Variants in ATRNL1 observed in about 807,000 individuals in gnomAD.
The protein encoded by ATRNL1 is attractin-like protein 1.
A neutral mutation model predicts 182.7 loss-of-function variants in ATRNL1; 95 were observed. The ratio of observed to expected loss-of-function variants is 0.52; its 90% CI spans 0.44 to 0.62. ATRNL1 has a LOEUF of 0.62. ATRNL1 is among the 20% of genes least tolerant of loss of function. ATRNL1 has a pLI of 0.00. For synonymous variants in ATRNL1, 576 were observed against 568.3 expected, an observed-to-expected ratio of 1.01 and a Z score of -0.19; for missense variants, 1,471 against 1,679.5, an observed-to-expected ratio of 0.88 and a Z score of 2.17.
chr10:115,261,249 A>C (rs1164789039), intron 10 of ATRNL1, among the ~76,000 whole-genome samples: 1 of 152,132 alleles, frequency 6.6e-6, no homozygotes, highest in Non-Finnish European at 1.5e-5. Context: ...ATCATACTAA[A>C]AGTGTTAGAG....
chr10:115,393,299 T>C (rs892639128), intron 19 of ATRNL1, among the ~76,000 whole-genome samples: 2 of 152,192 alleles, frequency 1.3e-5, no homozygotes, highest in East Asian at 1.9e-4. Context: ...GTATACAGTA[T>C]CTATTTTCTT....
intron 8 of ATRNL1, among the ~76,000 whole-genome samples, chr10:115,181,380 T>G (rs1847740266): frequency 6.6e-6 from 1 of 151,764 alleles, no homozygotes; most frequent in Admixed American, 6.6e-5. Flanking sequence ...CCAATTTTAA[T>G]TTTTAGTTTG....
At chr10:115,519,807 A>G (rs1433062226) in intron 25 of ATRNL1, among the ~76,000 whole-genome samples, 2 of 152,194 alleles carry the variant, frequency 1.3e-5, no homozygotes, top group Non-Finnish European at 2.9e-5. Context: ...TTGGTTTTCA[A>G]CTGGCATTAC....
chr10:115,231,180 G>C (rs541509599), intron 9 of ATRNL1, among the ~76,000 whole-genome samples: 1 of 152,174 alleles, frequency 6.6e-6, no homozygotes, highest in Non-Finnish European at 1.5e-5. Context: ...GAAACAACCA[G>C]AAAAGGAGAC....
chr10:115,801,849 G>A (rs1391915568), intron 27 of ATRNL1, among the ~76,000 whole-genome samples: 2 of 151,990 alleles, frequency 1.3e-5, no homozygotes, highest in African/African-American at 4.8e-5. Flanking sequence ...TTCACAGTTA[G>A]CATCAGATGA....
Position 115,728,051 on chromosome 10 carries a change from A to C in ATRNL1, c.3903+696A>C, listed in dbSNP as rs2901060. 2.7e-5 allele frequency among the ~76,000 whole-genome samples: 4 copies of C among 146,942 alleles called. No homozygotes were observed. In the South Asian group the frequency reaches 8.6e-4, roughly 32 times the overall value. The stretch of plus-strand genomic sequence containing the variant: ...AGCACTTTGGGAGGCCAAGGTGGGC[A>C]GATCACGAGGTCAGGAGATCGCGAC... On this transcript the variant is annotated intron_variant, in intron 27 of 28. Coordinates refer to ENST00000355044, the MANE Select transcript of ATRNL1 (RefSeq NM_207303.4).
intron 5 of ATRNL1, among the ~76,000 whole-genome samples, chr10:115,152,255 G>C (rs578004109): frequency 2.0e-5 from 3 of 152,278 alleles, no homozygotes; most frequent in Middle Eastern, 3.4e-3. Context: ...TGTGAAGAAA[G>C]TCATTGGTAG....
At chr10:115,932,403 T>A (rs1376508356) in intron 28 of ATRNL1, among the ~76,000 whole-genome samples, 2 of 152,226 alleles carry the variant, frequency 1.3e-5, no homozygotes, top group African/African-American at 2.4e-5. Flanking sequence ...TAAATTTGGT[T>A]ACAGACATAC....
chr10:115,558,750 T>C (rs782411705), intron 26 of ATRNL1, among the ~76,000 whole-genome samples: 1 of 152,152 alleles, frequency 6.6e-6, no homozygotes, highest in Admixed American at 6.5e-5. Context: ...CAAATTGGCC[T>C]TAAGTTCCCT....
rs868926468 is a variant in ATRNL1 at position 115,583,544 on chromosome 10, T to G, written c.3795+34008T>G. ...ATGGGAGTTCACTCATGATTTGGCT[T>G]TCTGTTTGTCTGTTGTTGATGTATA... On this transcript the variant is annotated intron_variant, in intron 26 of 28. Transcript: ENST00000355044. 3.5e-5 allele frequency among the ~76,000 whole-genome samples: 4 copies of G among 114,462 alleles called. 1 individual carries two copies. The highest frequency in any genetic ancestry group is 5.8e-5 in the Non-Finnish European group (3 of 51,286). 75.1% of individuals were successfully genotyped at this position (114,462 alleles called of 152,430 possible).
At chr10:115,819,352 A>C (rs1201315920) in intron 27 of ATRNL1, among the ~76,000 whole-genome samples, 1 of 152,146 alleles carries the variant, frequency 6.6e-6, no homozygotes, top group Non-Finnish European at 1.5e-5. Flanking sequence ...TTGCATTACT[A>C]TCTATCTAGA....
chr10:115,277,453 A>G (rs532996766), intron 13 of ATRNL1, among the ~76,000 whole-genome samples: 1 of 152,198 alleles, frequency 6.6e-6, no homozygotes, highest in South Asian at 2.1e-4. Context: ...AGTGGTTAAA[A>G]ATTGCTTCAA....
chr10:115,801,490 A>G (rs1337944905), intron 27 of ATRNL1, among the ~76,000 whole-genome samples: 3 of 152,214 alleles, frequency 2.0e-5, no homozygotes, highest in African/African-American at 7.2e-5. Flanking sequence ...TTTATTTGCA[A>G]TAAAAATATT....
At chr10:115,459,144 G>A (rs2134518742) in intron 21 of ATRNL1, among the ~76,000 whole-genome samples, 1 of 152,182 alleles carries the variant, frequency 6.6e-6, no homozygotes, top group Admixed American at 6.6e-5. Flanking sequence ...AATCCTGTCA[G>A]CTGAGAAGGA....
intron 27 of ATRNL1, among the ~76,000 whole-genome samples, chr10:115,788,838 G>T (rs898096000): frequency 2.0e-5 from 3 of 152,206 alleles, no homozygotes; most frequent in Non-Finnish European, 4.4e-5. Context: ...TCTAACTGTG[G>T]CAAAGGGCTG....
chr10:115,441,850 C>T (rs1049091715), intron 21 of ATRNL1, among the ~76,000 whole-genome samples: 1 of 151,806 alleles, frequency 6.6e-6, no homozygotes, highest in Non-Finnish European at 1.5e-5. Flanking sequence ...CTTCTTTGAG[C>T]CCCCCTCTCT....
In ATRNL1 at chr10:115,334,271, G is replaced by A; in HGVS notation, c.3038-11G>A. On this transcript the variant is annotated splice_polypyrimidine_tract_variant and intron_variant, in intron 18 of 28. Coordinates refer to ENST00000355044, the MANE Select transcript of ATRNL1 (RefSeq NM_207303.4). ...TTAGATATTTGTAATGCTTTTTACT[G>A]TTTCCTTTAGCTTGCCAGTGTAATG... 2 of 1,493,442 alleles carry A rather than the reference G, an allele frequency of 1.3e-6. No individual in the cohort carries two copies. Among genetic ancestry groups the A allele is most frequent in the South Asian group, 1.3e-5 (1 of 75,068 alleles). The allele number at this position is 1,493,442 out of a possible 1,614,324, so 92.5% of individuals were successfully genotyped here.
chr10:115,877,898 G>A (rs941312191), intron 28 of ATRNL1, among the ~76,000 whole-genome samples: 9 of 152,144 alleles, frequency 5.9e-5, no homozygotes, highest in Non-Finnish European at 1.0e-4. Context: ...AATGCCAAAC[G>A]GCCCTGCACT....
intron 27 of ATRNL1, among the ~76,000 whole-genome samples, chr10:115,803,337 A>T (rs1949843312): frequency 6.6e-6 from 1 of 152,180 alleles, no homozygotes; most frequent in Non-Finnish European, 1.5e-5. Flanking sequence ...AATATATTGC[A>T]TTAACACAAA....
Sources: allele counts gnomAD v4.1 joint callset (sites outside exome capture counted in the v4.1 genomes callset), GRCh38; gene constraint gnomAD v4.1.1; transcripts MANE v1.5; gene names NCBI Gene and HGNC (gene_info 2026-07-23, HGNC 2026-07-21).